Variants in TTLL11 observed in about 807,000 individuals in gnomAD.
The protein encoded by TTLL11 is tubulin tyrosine ligase like 11.
Under a neutral mutation model 51.7 loss-of-function variants are expected in TTLL11, and 42 were observed. That is an observed-to-expected ratio of 0.81 (90% CI 0.64 to 1.05). TTLL11 has a LOEUF of 1.05. TTLL11 is among the 50% of genes least tolerant of loss of function. The probability of loss-of-function intolerance (pLI) is 0.00; values close to 1 mark genes in which losing one functional copy is unlikely to be tolerated. For missense variants in TTLL11, 799 were observed against 940.4 expected (o/e 0.85, Z 1.97); for synonymous variants, 381 against 383.5 (o/e 0.99, Z 0.08).
chr9:121,841,071 G>A (rs1837331478), intron 8 of TTLL11, among the ~76,000 whole-genome samples: 1 of 152,090 alleles, frequency 6.6e-6, no homozygotes, highest in South Asian at 2.1e-4. Flanking sequence ...AGGGAGAAGG[G>A]TCTGGAAGCT....
intron 3 of TTLL11, among the ~76,000 whole-genome samples, chr9:122,016,801 CT>C (rs1443237452): frequency 3.3e-5 from 5 of 152,150 alleles, no homozygotes; most frequent in African/African-American, 9.7e-5. Context: ...AATACAAACT[CT>C]TTCACCATAA....
chr9:122,055,359 G>C (rs371631694), intron 1 of TTLL11, among the ~76,000 whole-genome samples: 1 of 152,194 alleles, frequency 6.6e-6, no homozygotes, highest in Non-Finnish European at 1.5e-5. Flanking sequence ...CTTGGAATCC[G>C]ATGTTCAAAG....
rs2131365793 is a variant in TTLL11 at position 121,848,859 on chromosome 9, A to T, written c.1840+11478T>A. Among the ~76,000 whole-genome samples, 3 of 152,340 alleles carry T rather than the reference A, an allele frequency of 2.0e-5. No individual in the cohort carries two copies. In the East Asian group the frequency reaches 5.8e-4, roughly 29 times the overall value. ...ATGGATTCAACACAATCCAAATGAA[A>T]ATCCCAGCAAGTTATTTTGTGGATA... On this transcript the variant is annotated intron_variant, in intron 8 of 8. Transcript: ENST00000321582.
At chr9:122,076,102 A>T (rs1029274884) in intron 1 of TTLL11, among the ~76,000 whole-genome samples, 1 of 152,194 alleles carries the variant, frequency 6.6e-6, no homozygotes, top group African/African-American at 2.4e-5. Flanking sequence ...GTCTATGGGA[A>T]GAGACAGATC....
At position 122,030,223 on chromosome 9, in the gene TTLL11, G is replaced by A. The variant is rs182062713; in HGVS notation, c.693+1500C>T. On this transcript the variant is annotated intron_variant, in intron 3 of 8. Transcript: ENST00000321582. ...ACATTGGGGGGGGGGGGGTAATTAT[G>A]AGGAACAGCTGAGAGTTATCTTTTA... is the stretch of plus-strand genomic sequence containing the variant. Among the ~76,000 whole-genome samples the A allele has an allele frequency of 1.3e-3, 189 of 144,432 alleles. 1 individual carries two copies. The highest frequency in any genetic ancestry group is 3.9e-3 in the Middle Eastern group (1 of 254). 94.8% of individuals were successfully genotyped at this position (144,432 alleles called of 152,430 possible). A position where few individuals can be genotyped will look rare whatever the true frequency, so the allele number is the denominator to read the frequency against.
chr9:121,896,173 G>C (rs1355124134), intron 6 of TTLL11, among the ~76,000 whole-genome samples: 1 of 152,196 alleles, frequency 6.6e-6, no homozygotes, highest in Non-Finnish European at 1.5e-5. Context: ...AGCAGGAGCC[G>C]TTAAATTCTG....
intron 1 of TTLL11, among the ~76,000 whole-genome samples, chr9:122,046,587 T>C (rs753037784): frequency 1.3e-5 from 2 of 152,172 alleles, no homozygotes; most frequent in Admixed American, 6.5e-5. Flanking sequence ...GGTTCTCAGA[T>C]CCCCATTCTC....
At chr9:121,869,577 T>C (rs1838283640) in intron 7 of TTLL11, among the ~76,000 whole-genome samples, 1 of 152,230 alleles carries the variant, frequency 6.6e-6, no homozygotes, top group Admixed American at 6.5e-5. Flanking sequence ...TGATCGAGAC[T>C]CTGTGTAGGA....
At chr9:121,893,874 A>G (rs1196739667) in intron 6 of TTLL11, among the ~76,000 whole-genome samples, 2 of 152,262 alleles carry the variant, frequency 1.3e-5, no homozygotes, top group Non-Finnish European at 2.9e-5. Flanking sequence ...GAAATCAGAA[A>G]GCACAATGAA....
At chr9:121,888,588 T>G (rs1839103182) in intron 6 of TTLL11, among the ~76,000 whole-genome samples, 1 of 152,228 alleles carries the variant, frequency 6.6e-6, no homozygotes, top group African/African-American at 2.4e-5. Context: ...TTACTTAGAC[T>G]TGGCTGAATC....
chr9:121,973,974 G>C, intron 6 of TTLL11, 35 bp downstream of exon 6: 1 of 1,510,044 alleles, frequency 6.6e-7, no homozygotes, highest in East Asian at 2.5e-5. Context: ...AGGAGGCAGA[G>C]TTGATAGAAA....
chr9:122,028,817 A>C (rs951461428), intron 3 of TTLL11, among the ~76,000 whole-genome samples: 1 of 152,222 alleles, frequency 6.6e-6, no homozygotes, highest in Non-Finnish European at 1.5e-5. Context: ...GATAATACAG[A>C]ATATACTCTC....
At chr9:121,858,367 A>G (rs1012166921) in intron 8 of TTLL11, among the ~76,000 whole-genome samples, 1 of 152,186 alleles carries the variant, frequency 6.6e-6, no homozygotes, top group Non-Finnish European at 1.5e-5. Context: ...TCCACCAGCC[A>G]TGCCTCTCTA....
intron 1 of TTLL11, among the ~76,000 whole-genome samples, chr9:122,070,330 G>C: frequency 6.6e-6 from 1 of 152,132 alleles, no homozygotes; most frequent in East Asian, 1.9e-4. Context: ...ACCTCGGGCT[G>C]TTAGGCCACA....
Position 121,824,289 on chromosome 9 carries a change from A to G in TTLL11, c.1841-1410T>C, listed in dbSNP as rs901585349. On this transcript the variant is annotated intron_variant, in intron 8 of 8. Coordinates refer to ENST00000321582, the MANE Select transcript of TTLL11 (RefSeq NM_001139442.2). Reference sequence around the variant, plus strand: ...CAGGAGATGGAGACCATCCTGGCCAATGTGGTGAAACCTTGTCTCTACTAA... The same window carrying G: ...CAGGAGATGGAGACCATCCTGGCCAGTGTGGTGAAACCTTGTCTCTACTAA... Among the ~76,000 whole-genome samples the G allele has an allele frequency of 5.3e-5, 8 of 152,018 alleles. No homozygotes were observed. In the East Asian group the frequency reaches 1.2e-3, roughly 22 times the overall value.
At chr9:121,929,182 C>T (rs1388629186) in intron 6 of TTLL11, among the ~76,000 whole-genome samples, 1 of 152,252 alleles carries the variant, frequency 6.6e-6, no homozygotes, top group East Asian at 1.9e-4. Flanking sequence ...TGGCTTATGC[C>T]TGTAATCCCA....
At chr9:121,832,575 G>A (rs375684815) in intron 8 of TTLL11, among the ~76,000 whole-genome samples, 1 of 152,184 alleles carries the variant, frequency 6.6e-6, no homozygotes, top group Admixed American at 6.5e-5. Flanking sequence ...TGCCACAATC[G>A]CATGGCTGGT....
chr9:121,989,646 G>A lies in TTLL11; in HGVS notation c.818C>T (p.Thr273Ile). The A allele has an allele frequency of 1.2e-6, 2 of 1,614,140 alleles. No individual in the cohort carries two copies. Among genetic ancestry groups the A allele is most frequent in the Non-Finnish European group, 1.7e-6 (2 of 1,180,024 alleles). The change falls in exon 4 of 9, where the codon ACC becomes ATC. Residue 273 changes from threonine (T) to isoleucine (I), a missense_variant. Physicochemically the swap from Thr to Ile is moderately conservative, Grantham distance 89. Transcript: ENST00000321582. This position sits in a 1 kb window ranked among gnomAD's most constrained non-coding sequence, Gnocchi z 4.2. ...KDPSDIRLAG[T>I]LQSRPAVVQE... ...GACCACCGCTGGCCTGCTCTGGAGGGTCCCTGCCAGGCGGATGTCACTGGG... is the reference window on the plus strand; with the variant it reads ...GACCACCGCTGGCCTGCTCTGGAGGATCCCTGCCAGGCGGATGTCACTGGG...
intron 3 of TTLL11, among the ~76,000 whole-genome samples, chr9:122,015,717 G>T (rs1203281259): frequency 6.6e-6 from 1 of 150,638 alleles, no homozygotes; most frequent in Admixed American, 6.7e-5. Flanking sequence ...CTCCGAGCCT[G>T]GCCCACCCTG....
Sources: allele counts gnomAD v4.1 joint callset (sites outside exome capture counted in the v4.1 genomes callset), GRCh38; gene constraint gnomAD v4.1.1; non-coding constraint Gnocchi (gnomAD v3.1); transcripts MANE v1.5; gene names NCBI Gene and HGNC (gene_info 2026-07-23, HGNC 2026-07-21).